Variants in MNAT1 observed in about 807,000 individuals in gnomAD.
The protein encoded by MNAT1 is MNAT1 component of CDK activating kinase.
In MNAT1, 43 loss-of-function variants were observed where a neutral mutation model predicts 42.0. That is an observed-to-expected ratio of 1.02 (90% confidence interval 0.80 to 1.32). The LOEUF (loss-of-function observed/expected upper bound fraction) is 1.32, where lower values mean the gene tolerates loss of function less well. Ranked by LOEUF, MNAT1 falls within the 40% of genes most tolerant of loss-of-function variation. The probability of loss-of-function intolerance (pLI) is 0.00; values close to 1 mark genes in which losing one functional copy is unlikely to be tolerated. For missense variants in MNAT1, 306 were observed against 350.4 expected, an observed-to-expected ratio of 0.87 and a Z score of 1.01; for synonymous variants, 118 against 120.0, an observed-to-expected ratio of 0.98 and a Z score of 0.11.
At position 60,871,931 on chromosome 14, in the gene MNAT1, T is replaced by A. The variant is rs144258312; in HGVS notation, c.688-7783T>A. ...AGCCACTGCACCCAGTCTCTAAGAA[T>A]TCTTTATAGGTAGTATTCTGAATTT... On this transcript the variant is annotated intron_variant, in intron 6 of 7. Transcript: ENST00000261245. 2.6e-5 allele frequency among the ~76,000 whole-genome samples: 4 copies of A among 152,306 alleles called. No homozygotes were observed. The East Asian group carries it at 7.7e-4, about 29-fold the overall frequency.
chr14:60,898,496 C>T (rs1284629591), intron 7 of MNAT1, among the ~76,000 whole-genome samples: 1 of 152,134 alleles, frequency 6.6e-6, no homozygotes, highest in Non-Finnish European at 1.5e-5. Context: ...TTTATATTTG[C>T]ATTTCCCTGA....
intron 6 of MNAT1, among the ~76,000 whole-genome samples, chr14:60,842,688 A>G (rs1046316822): frequency 1.3e-5 from 2 of 152,210 alleles, no homozygotes; most frequent in African/African-American, 2.4e-5. Context: ...TTATATTGCT[A>G]TGTAATATTC....
chr14:60,849,698 A>T (rs2033772611), intron 6 of MNAT1, among the ~76,000 whole-genome samples: 1 of 152,224 alleles, frequency 6.6e-6, no homozygotes, highest in African/African-American at 2.4e-5. Context: ...GAGTGAGAGT[A>T]TATGGCTGTA....
At chr14:60,942,058 A>T (rs1024258747) in intron 7 of MNAT1, among the ~76,000 whole-genome samples, 22 of 145,094 alleles carry the variant, frequency 1.5e-4, no homozygotes, top group African/African-American at 4.5e-4. Flanking sequence ...CTGCTTCTCT[A>T]TTCAAAGTTA....
intron 6 of MNAT1, among the ~76,000 whole-genome samples, chr14:60,827,921 G>A (rs1768012843): frequency 6.6e-6 from 1 of 152,072 alleles, no homozygotes; most frequent in South Asian, 2.1e-4. Context: ...GGATATCCCT[G>A]AAGAGTTACA....
intron 6 of MNAT1, among the ~76,000 whole-genome samples, chr14:60,864,232 T>G (rs2034158087): frequency 6.6e-6 from 1 of 151,750 alleles, no homozygotes; most frequent in Non-Finnish European, 1.5e-5. Flanking sequence ...AATGTTTTTT[T>G]AAACAAATGA....
At chr14:60,940,300 A>G (rs564988588) in intron 7 of MNAT1, among the ~76,000 whole-genome samples, 11 of 152,348 alleles carry the variant, frequency 7.2e-5, no homozygotes, top group African/African-American at 2.2e-4. Context: ...TATTTTGCTC[A>G]TTAGTTGATG....
chr14:60,920,409 G>T (rs1381445974), intron 7 of MNAT1, among the ~76,000 whole-genome samples: 1 of 151,828 alleles, frequency 6.6e-6, no homozygotes, highest in Non-Finnish European at 1.5e-5. Context: ...TTCCATTATG[G>T]ATTGAAAACA....
At chr14:60,933,912 A>C (rs1263213282) in intron 7 of MNAT1, among the ~76,000 whole-genome samples, 1 of 152,220 alleles carries the variant, frequency 6.6e-6, no homozygotes. Flanking sequence ...ACCTAAAAAA[A>C]GACACTAGAG....
At chr14:60,839,509 A>T (rs2139398263) in intron 6 of MNAT1, among the ~76,000 whole-genome samples, 1 of 152,330 alleles carries the variant, frequency 6.6e-6, no homozygotes, top group African/African-American at 2.4e-5. Context: ...ACTCTGGACC[A>T]GGTGAATGGC....
At chr14:60,898,371 A>G (rs1158143853) in intron 7 of MNAT1, among the ~76,000 whole-genome samples, 2 of 152,048 alleles carry the variant, frequency 1.3e-5, no homozygotes, top group Non-Finnish European at 2.9e-5. Flanking sequence ...GGTTATACCA[A>G]TTTGCATTCC....
At chr14:60,817,935 C>T (rs1040497015) in intron 5 of MNAT1, among the ~76,000 whole-genome samples, 1 of 151,454 alleles carries the variant, frequency 6.6e-6, no homozygotes, top group Admixed American at 6.6e-5. Flanking sequence ...AGAGAGAGAT[C>T]TCTTCTTCCT....
intron 6 of MNAT1, among the ~76,000 whole-genome samples, chr14:60,844,172 T>A (rs1340699612): frequency 1.3e-5 from 2 of 152,128 alleles, no homozygotes; most frequent in African/African-American, 2.4e-5. Flanking sequence ...TGAATTAAGG[T>A]AGTATAAGTG....
chr14:60,772,341 T>C (rs2031089750), intron 1 of MNAT1, among the ~76,000 whole-genome samples: 1 of 152,136 alleles, frequency 6.6e-6, no homozygotes, highest in Admixed American at 6.5e-5. Flanking sequence ...TCCCAGCACT[T>C]TGGGAGGCGG....
chr14:60,756,363 A>G (rs1323613610), intron 1 of MNAT1, among the ~76,000 whole-genome samples: 2 of 152,224 alleles, frequency 1.3e-5, no homozygotes, highest in Admixed American at 1.3e-4. Context: ...TTACTGTCAG[A>G]TAATGTTTTG....
At chr14:60,842,845 A>G (rs1377855499) in intron 6 of MNAT1, among the ~76,000 whole-genome samples, 2 of 152,224 alleles carry the variant, frequency 1.3e-5, no homozygotes, top group Non-Finnish European at 2.9e-5. Flanking sequence ...CTTCCTTAAT[A>G]CAAGTACTCA....
intron 1 of MNAT1, among the ~76,000 whole-genome samples, chr14:60,776,253 G>GA (rs1156762208): frequency 6.6e-6 from 1 of 152,140 alleles, no homozygotes; most frequent in African/African-American, 2.4e-5. Context: ...GAGGTCAAAG[G>GA]ATAGAGTAGT....
At chr14:60,941,768 G>A (rs1466140498) in intron 7 of MNAT1, among the ~76,000 whole-genome samples, 1 of 151,502 alleles carries the variant, frequency 6.6e-6, no homozygotes, top group South Asian at 2.1e-4. Flanking sequence ...ACTTTGGGAG[G>A]CTGAGGCGGG....
chr14:60,819,801 T>C, intron 6 of MNAT1, among the ~76,000 whole-genome samples: 1 of 152,142 alleles, frequency 6.6e-6, no homozygotes, highest in Non-Finnish European at 1.5e-5. Context: ...TTACTTTGCC[T>C]TTCCAATAAG....
Sources: allele counts gnomAD v4.1 joint callset (sites outside exome capture counted in the v4.1 genomes callset), GRCh38; gene constraint gnomAD v4.1.1; transcripts MANE v1.5; gene names NCBI Gene and HGNC (gene_info 2026-07-23, HGNC 2026-07-21).